EPHA3: variants seen among roughly 807,000 people sequenced by gnomAD.
The protein encoded by EPHA3 is ephrin type-A receptor 3.
Under a neutral mutation model 107.1 loss-of-function variants are expected in EPHA3, and 42 were observed. The ratio of observed to expected loss-of-function variants is 0.39; its 90% CI spans 0.31 to 0.51. EPHA3 has a LOEUF of 0.51. Among genes scored for constraint, EPHA3 ranks in the 20% least tolerant of loss-of-function variants. The pLI is 0.78. For missense variants in EPHA3, 1,183 were observed against 1,211.2 expected (o/e 0.98, Z 0.35); for synonymous variants, 461 against 424.8 (o/e 1.09, Z -1.05).
At chr3:89,444,200 T>A (rs1424571277) in intron 13 of EPHA3, among the ~76,000 whole-genome samples, 1 of 152,192 alleles carries the variant, frequency 6.6e-6, no homozygotes, top group African/African-American at 2.4e-5. Context: ...GGTTCGGGTT[T>A]ACTATTTTTA....
intron 16 of EPHA3, among the ~76,000 whole-genome samples, chr3:89,474,214 A>G (rs1373746608): frequency 6.6e-6 from 1 of 152,182 alleles, no homozygotes; most frequent in Non-Finnish European, 1.5e-5. Flanking sequence ...AAAGCCAAAG[A>G]AGGACTTACA....
intron 3 of EPHA3, among the ~76,000 whole-genome samples, chr3:89,292,446 G>C (rs1213519019): frequency 6.6e-6 from 1 of 152,086 alleles, no homozygotes; most frequent in Non-Finnish European, 1.5e-5. Context: ...GCATCCACAG[G>C]GGTCCTGGAA....
intron 7 of EPHA3, among the ~76,000 whole-genome samples, chr3:89,405,843 G>T (rs551358755): frequency 2.0e-5 from 3 of 152,244 alleles, no homozygotes; most frequent in Non-Finnish European, 4.4e-5. Context: ...AAAATATCTA[G>T]AGATTAGGAT....
At chr3:89,288,293 ACACC>A (rs1312174480) in intron 3 of EPHA3, among the ~76,000 whole-genome samples, 12 of 152,172 alleles carry the variant, frequency 7.9e-5, no homozygotes, top group African/African-American at 2.7e-4. Flanking sequence ...TGGATGTGTC[ACACC>A]ATTACTTGGT....
intron 2 of EPHA3, among the ~76,000 whole-genome samples, chr3:89,137,377 A>T (rs1704336016): frequency 6.6e-6 from 1 of 152,002 alleles, no homozygotes; most frequent in Admixed American, 6.6e-5. Flanking sequence ...TCCTTTATGA[A>T]AATTTTTAAT....
chr3:89,376,452 T>G, intron 5 of EPHA3, among the ~76,000 whole-genome samples: 1 of 151,864 alleles, frequency 6.6e-6, no homozygotes, highest in East Asian at 1.9e-4. Context: ...TTAAAATTAG[T>G]ACAATCAGAT....
intron 3 of EPHA3, among the ~76,000 whole-genome samples, chr3:89,242,101 C>T (rs1313241470): frequency 1.3e-5 from 2 of 152,144 alleles, no homozygotes; most frequent in Admixed American, 6.5e-5. Context: ...AGGAAATACA[C>T]GGTTGGCAGA....
At chr3:89,186,003 T>C (rs1705556937) in intron 2 of EPHA3, among the ~76,000 whole-genome samples, 1 of 151,980 alleles carries the variant, frequency 6.6e-6, no homozygotes, top group South Asian at 2.1e-4. Context: ...TCTTTTTACT[T>C]TCTCTTTTTT....
rs1054750 is a variant in EPHA3, at chr3:89,472,575, T to C, written c.2802T>C (p.Gly934=). The change falls in exon 16 of 17, where the codon GGT becomes GGC. Residue 934 remains glycine (G), a synonymous_variant. Coordinates refer to ENST00000336596, the MANE Select transcript of EPHA3 (RefSeq NM_005233.6). The part of the protein sequence containing the change: ...WTAHCKEIFT[G]VEYSSCDTIA... ...CACACTGCAAGGAAATCTTCACGGGTGTGGAGTACAGTTCTTGTGACACAA... is the reference window on the plus strand; with the variant it reads ...CACACTGCAAGGAAATCTTCACGGGCGTGGAGTACAGTTCTTGTGACACAA... The C allele has an allele frequency of 0.23, 366,342 of 1,613,026 alleles. 45,489 individuals carry two copies. The highest frequency in any genetic ancestry group is 0.25 in the Non-Finnish European group (295,833 of 1,179,344).
At chr3:89,124,619 T>A (rs536190127) in intron 1 of EPHA3, among the ~76,000 whole-genome samples, 1 of 152,040 alleles carries the variant, frequency 6.6e-6, no homozygotes, top group Non-Finnish European at 1.5e-5. Context: ...ACAATGGAAC[T>A]GTTGTTAAAT....
At chr3:89,259,781 C>T (rs1705372088) in intron 3 of EPHA3, among the ~76,000 whole-genome samples, 1 of 152,122 alleles carries the variant, frequency 6.6e-6, no homozygotes, top group African/African-American at 2.4e-5. Context: ...TAGATTTGTT[C>T]ATATTACCTA....
intron 5 of EPHA3, 62 bp downstream of exon 5, chr3:89,342,152 CTG>C: frequency 6.9e-7 from 1 of 1,442,618 alleles, no homozygotes; most frequent in Non-Finnish European, 9.3e-7. Context: ...GGTTTTGACT[CTG>C]GGTGGAAAAC....
intron 3 of EPHA3, among the ~76,000 whole-genome samples, chr3:89,325,727 A>G (rs1161133042): frequency 6.6e-6 from 1 of 152,132 alleles, no homozygotes; most frequent in Non-Finnish European, 1.5e-5. Context: ...ATCACAGAAA[A>G]TGATAGATCT....
rs114270598 is a variant in EPHA3 at position 89,440,779 on chromosome 3, T to C, written c.2347-8446T>C. 2.8e-3 allele frequency among the ~76,000 whole-genome samples: 422 copies of C among 152,336 alleles called. 1 individual carries two copies. The highest frequency in any genetic ancestry group is 9.7e-3 in the African/African-American group (403 of 41,580). On this transcript the variant is annotated intron_variant, in intron 13 of 16. Coordinates refer to ENST00000336596, the MANE Select transcript of EPHA3 (RefSeq NM_005233.6). ...GTAGTGCCTTTTTCCAGAGAATCACTAGCATCTTTACCTGTAGCACTTTAT... is the reference window on the plus strand; with the variant it reads ...GTAGTGCCTTTTTCCAGAGAATCACCAGCATCTTTACCTGTAGCACTTTAT...
At chr3:89,129,875 T>C (rs1010717788) in intron 2 of EPHA3, among the ~76,000 whole-genome samples, 1 of 152,208 alleles carries the variant, frequency 6.6e-6, no homozygotes, top group Non-Finnish European at 1.5e-5. Context: ...GAAATAACTT[T>C]GAGTTTGTTA....
chr3:89,173,937 G>A lies in EPHA3; in HGVS notation c.154-35923G>A, dbSNP rs114251119. ...TAAAAAAACATAGTGAACAACCACA[G>A]TCTGGTAGCAAACATGCATTTTATT... On this transcript the variant is annotated intron_variant, in intron 2 of 16. Transcript: ENST00000336596. Among the ~76,000 whole-genome samples the A allele has an allele frequency of 5.6e-3, 853 of 152,064 alleles. 9 individuals are homozygous for A. Among genetic ancestry groups the A allele is most frequent in the Middle Eastern group, 0.017 (5 of 292 alleles).
intron 2 of EPHA3, among the ~76,000 whole-genome samples, chr3:89,149,673 C>T (rs1378172158): frequency 6.8e-6 from 1 of 147,510 alleles, no homozygotes. Context: ...GTGATGTTCC[C>T]CTTCCTGTGT....
At chr3:89,449,842 G>C (rs1183103250) in intron 14 of EPHA3, among the ~76,000 whole-genome samples, 1 of 152,072 alleles carries the variant, frequency 6.6e-6, no homozygotes, top group Non-Finnish European at 1.5e-5. Flanking sequence ...ATTCATATAT[G>C]TTTTCCATAG....
Position 89,482,084 on chromosome 3 carries a change from CATTT to C in EPHA3, c.*2585_*2588del, listed in dbSNP as rs1710629560. On this transcript the variant is annotated 3_prime_UTR_variant, in exon 17 of 17. Coordinates refer to ENST00000336596, the MANE Select transcript of EPHA3 (RefSeq NM_005233.6). Reference sequence around the variant, plus strand: ...AATGTAAAATGATTTGTAGTGGAAACATTTATATTTTTATAATAAACATAATGAA... The same window carrying C: ...AATGTAAAATGATTTGTAGTGGAAACATATTTTTATAATAAACATAATGAA... 4.7e-6 allele frequency: 1 copy of C among 211,750 alleles called. No homozygotes were observed. The highest frequency in any genetic ancestry group is 1.5e-3 in the Middle Eastern group (1 of 648). 13.1% of individuals were successfully genotyped at this position (211,750 alleles called of 1,614,324 possible).
Sources: gnomAD v4.1 joint callset for allele counts (sites outside exome capture counted in the v4.1 genomes callset) on GRCh38, gnomAD v4.1.1 for gene constraint, MANE v1.5 for transcripts, NCBI Gene and HGNC (gene_info 2026-07-23, HGNC 2026-07-21) for gene names.